KLF12: variants seen among roughly 807,000 people sequenced by gnomAD.
The protein encoded by KLF12 is KLF transcription factor 12.
KLF12 carries 9 observed loss-of-function variants against 37.8 expected under a neutral mutation model. The observed-to-expected ratio is 0.24, with a 90% CI of 0.14 to 0.42. The LOEUF (loss-of-function observed/expected upper bound fraction) is 0.42. Ranked by LOEUF, KLF12 falls within the 10% of genes least tolerant of loss-of-function variation. KLF12 has a pLI of 1.00. For missense variants in KLF12, 411 were observed against 516.0 expected, an observed-to-expected ratio of 0.80 and a Z score of 1.97; for synonymous variants, 208 against 202.1, an observed-to-expected ratio of 1.03 and a Z score of -0.25.
At chr13:74,156,816 C>T in the KLF12 span, among the ~76,000 whole-genome samples, 2 of 152,124 alleles carry the variant, frequency 1.3e-5, no homozygotes, top group Non-Finnish European at 2.9e-5. Context: ...ACTCTTTTTT[C>T]AATATGACTG....
intron 1 of KLF12, among the ~76,000 whole-genome samples, chr13:74,084,491 A>G (rs1175628391): frequency 3.9e-5 from 6 of 152,220 alleles, no homozygotes; most frequent in Non-Finnish European, 8.8e-5. Flanking sequence ...ACAGATCACT[A>G]GAAGTCACCA....
chr13:73,785,092 C>T (rs529510988), intron 5 of KLF12, among the ~76,000 whole-genome samples: 7 of 150,848 alleles, frequency 4.6e-5, no homozygotes, highest in Middle Eastern at 3.4e-3. Flanking sequence ...TCTTTATTTT[C>T]GTTCAATAAA....
intron 1 of KLF12, among the ~76,000 whole-genome samples, chr13:74,015,810 T>C: frequency 6.6e-6 from 1 of 152,184 alleles, no homozygotes; most frequent in East Asian, 1.9e-4. Context: ...ACTTATGCTT[T>C]CATTGGACTC....
chr13:74,049,938 A>G (rs1020193353), intron 1 of KLF12, among the ~76,000 whole-genome samples: 13 of 151,744 alleles, frequency 8.6e-5, no homozygotes, highest in African/African-American at 2.4e-4. Flanking sequence ...AAATGAATCA[A>G]TTTGGATACC....
intron 1 of KLF12, among the ~76,000 whole-genome samples, chr13:74,094,519 C>T (rs1218366620): frequency 6.6e-6 from 1 of 151,990 alleles, no homozygotes; most frequent in Non-Finnish European, 1.5e-5. Context: ...GGCCAGGAAT[C>T]TCTAGGATCA....
chr13:74,083,942 A>G (rs1875093552), intron 1 of KLF12, among the ~76,000 whole-genome samples: 2 of 152,342 alleles, frequency 1.3e-5, no homozygotes. Context: ...ATTTGGAATT[A>G]TTAGAAGAGA....
the KLF12 span, among the ~76,000 whole-genome samples, chr13:74,244,761 T>G: frequency 6.6e-6 from 1 of 152,192 alleles, no homozygotes; most frequent in African/African-American, 2.4e-5. Flanking sequence ...GCTAGGACAA[T>G]TTTTCAACTT....
At chr13:74,108,151 A>T (rs1263337677) in intron 1 of KLF12, among the ~76,000 whole-genome samples, 1 of 152,056 alleles carries the variant, frequency 6.6e-6, no homozygotes, top group East Asian at 1.9e-4. Flanking sequence ...TTTCAAATTT[A>T]TTTTAACATA....
the KLF12 span, among the ~76,000 whole-genome samples, chr13:74,266,681 A>G: frequency 1.3e-5 from 2 of 152,182 alleles, no homozygotes; most frequent in Non-Finnish European, 1.5e-5. Flanking sequence ...ACGTAGATAG[A>G]TAGATAGCTC....
intron 2 of KLF12, among the ~76,000 whole-genome samples, chr13:73,978,678 A>T (rs1264482450): frequency 6.6e-6 from 1 of 152,218 alleles, no homozygotes; most frequent in African/African-American, 2.4e-5. Context: ...ATTTAGCCAA[A>T]TGAGTTGAAA....
chr13:74,119,144 C>T (rs1593915484), intron 1 of KLF12, among the ~76,000 whole-genome samples: 1 of 152,072 alleles, frequency 6.6e-6, no homozygotes, highest in Non-Finnish European at 1.5e-5. Context: ...ACCCACCTGG[C>T]CAACATGGCA....
intron 1 of KLF12, among the ~76,000 whole-genome samples, chr13:74,070,978 C>T (rs1195979016): frequency 6.6e-6 from 1 of 152,148 alleles, no homozygotes; most frequent in Admixed American, 6.5e-5. Flanking sequence ...GTTAACACAA[C>T]ACAAATATCA....
intron 3 of KLF12, among the ~76,000 whole-genome samples, chr13:73,936,553 CT>C (rs886207881): frequency 1.3e-5 from 2 of 152,136 alleles, no homozygotes; most frequent in Non-Finnish European, 1.5e-5. Context: ...ATCTCCAGAG[CT>C]CTCTCTTTGT....
intron 2 of KLF12, among the ~76,000 whole-genome samples, chr13:73,966,574 C>G (rs1271345449): frequency 2.0e-5 from 3 of 152,150 alleles, no homozygotes; most frequent in African/African-American, 7.2e-5. Context: ...GAATGCAGTC[C>G]TGACCTCTGT....
chr13:73,966,936 C>T (rs1891185057), intron 2 of KLF12, among the ~76,000 whole-genome samples: 1 of 152,164 alleles, frequency 6.6e-6, no homozygotes, highest in African/African-American at 2.4e-5. Context: ...TGTAAAATGA[C>T]ATGCATTGCA....
At chr13:74,163,048 G>T in the KLF12 span, among the ~76,000 whole-genome samples, 1 of 152,106 alleles carries the variant, frequency 6.6e-6, no homozygotes, top group Admixed American at 6.6e-5. Flanking sequence ...GGAATCTGAA[G>T]GAGAGAAAAG....
chr13:74,243,868 A>G, the KLF12 span, among the ~76,000 whole-genome samples: 36 of 152,322 alleles, frequency 2.4e-4, no homozygotes, highest in African/African-American at 8.7e-4. Context: ...GTGTATAGGC[A>G]ATGTGGAGGA....
At chr13:74,050,830 G>C (rs1054766731) in intron 1 of KLF12, among the ~76,000 whole-genome samples, 1 of 152,080 alleles carries the variant, frequency 6.6e-6, no homozygotes, top group Non-Finnish European at 1.5e-5. Context: ...TTGATAAGGA[G>C]TTAATATCCA....
At chr13:74,202,503 G>C in the KLF12 span, among the ~76,000 whole-genome samples, 1 of 152,124 alleles carries the variant, frequency 6.6e-6, no homozygotes, top group Non-Finnish European at 1.5e-5. Context: ...GCAAGGCATA[G>C]AGACTAATTT....
Sources: allele counts gnomAD v4.1 joint callset (sites outside exome capture counted in the v4.1 genomes callset), GRCh38; gene constraint gnomAD v4.1.1; transcripts MANE v1.5; gene names NCBI Gene and HGNC (gene_info 2026-07-23, HGNC 2026-07-21).